Variants in ELOVL6 observed in about 807,000 individuals in gnomAD.
ELOVL6 encodes ELOVL fatty acid elongase 6.
A neutral mutation model predicts 31.7 loss-of-function variants in ELOVL6; 8 were observed. That is an observed-to-expected ratio of 0.25 (90% CI 0.15 to 0.45). The LOEUF is 0.45. ELOVL6 is among the 20% of genes least tolerant of loss of function. The pLI is 1.00. For synonymous variants in ELOVL6, 101 were observed against 117.7 expected (o/e 0.86, Z 0.92); for missense variants, 126 against 326.4 (o/e 0.39, Z 4.73).
At chr4:110,081,123 C>T (rs998176228) in intron 2 of ELOVL6, among the ~76,000 whole-genome samples, 1 of 152,132 alleles carries the variant, frequency 6.6e-6, no homozygotes, top group Non-Finnish European at 1.5e-5. Context: ...ACATTCCATG[C>T]TCATGGGTAG....
At chr4:110,190,370 C>G (rs1461842839) in intron 1 of ELOVL6, among the ~76,000 whole-genome samples, 1 of 152,158 alleles carries the variant, frequency 6.6e-6, no homozygotes, top group Non-Finnish European at 1.5e-5. Flanking sequence ...CGCAAACACT[C>G]AATGCAGAAA....
At chr4:110,099,001 T>C (rs1756669009) in intron 2 of ELOVL6, among the ~76,000 whole-genome samples, 1 of 152,202 alleles carries the variant, frequency 6.6e-6, no homozygotes, top group Non-Finnish European at 1.5e-5. Flanking sequence ...ATTTCATTGT[T>C]CTAAAATTTG....
chr4:110,165,882 G>A (rs538776336), intron 1 of ELOVL6, among the ~76,000 whole-genome samples: 17 of 152,308 alleles, frequency 1.1e-4, no homozygotes, highest in Non-Finnish European at 2.4e-4. Flanking sequence ...TGCCAGAAGA[G>A]TTTAGCACAT....
chr4:110,187,592 A>T (rs1759488494), intron 1 of ELOVL6, among the ~76,000 whole-genome samples: 1 of 151,744 alleles, frequency 6.6e-6, no homozygotes, highest in Admixed American at 6.6e-5. Context: ...ACTAATAGGG[A>T]GGCTGAGGCA....
intron 3 of ELOVL6, among the ~76,000 whole-genome samples, chr4:110,056,361 T>TG (rs1262819995): frequency 7.9e-5 from 12 of 151,884 alleles, no homozygotes; most frequent in Non-Finnish European, 2.9e-5. Flanking sequence ...CCAAAATGCA[T>TG]GGGAAAAAAA....
At chr4:110,084,279 C>CATATATGAT (rs1756096342) in intron 2 of ELOVL6, among the ~76,000 whole-genome samples, 1 of 117,414 alleles carries the variant, frequency 8.5e-6, no homozygotes, top group African/African-American at 3.8e-5. Flanking sequence ...TGATATATAA[C>CATATATGAT]ATATATAACT....
chr4:110,069,510 T>C (rs1312207371), intron 2 of ELOVL6, among the ~76,000 whole-genome samples: 1 of 152,152 alleles, frequency 6.6e-6, no homozygotes, highest in Non-Finnish European at 1.5e-5. Context: ...GATGCTGCCA[T>C]GGTATTTCAC....
chr4:110,115,237 C>T (rs1353137469), intron 1 of ELOVL6, among the ~76,000 whole-genome samples: 1 of 152,110 alleles, frequency 6.6e-6, no homozygotes, highest in Non-Finnish European at 1.5e-5. Flanking sequence ...GAAAATATCT[C>T]AGCAGTGACG....
intron 1 of ELOVL6, among the ~76,000 whole-genome samples, chr4:110,109,158 T>C (rs1756962520): frequency 6.6e-6 from 1 of 152,234 alleles, no homozygotes; most frequent in Non-Finnish European, 1.5e-5. Context: ...TCTGTGGTAA[T>C]ACTTTGTATA....
At chr4:110,083,640 T>A (rs1362708071) in intron 2 of ELOVL6, among the ~76,000 whole-genome samples, 1 of 151,698 alleles carries the variant, frequency 6.6e-6, no homozygotes, top group African/African-American at 2.4e-5. Flanking sequence ...TTTTTAATAA[T>A]ACAGGCTGCT....
chr4:110,157,322 T>C (rs1451974277), intron 1 of ELOVL6, among the ~76,000 whole-genome samples: 1 of 152,138 alleles, frequency 6.6e-6, no homozygotes, highest in African/African-American at 2.4e-5. Context: ...AAATGCCAAA[T>C]AATAGTACAC....
At chr4:110,190,298 T>A (rs1578291835) in intron 1 of ELOVL6, among the ~76,000 whole-genome samples, 1 of 152,252 alleles carries the variant, frequency 6.6e-6, no homozygotes, top group East Asian at 1.9e-4. Flanking sequence ...CTCAGTAAGT[T>A]CACAGTGGGC....
intron 1 of ELOVL6, among the ~76,000 whole-genome samples, chr4:110,152,932 G>A (rs72900544): frequency 0.058 from 8,842 of 152,166 alleles, 325 homozygotes; most frequent in East Asian, 0.14. Context: ...ACAATCCTTC[G>A]TCTCTCAAAA....
intron 2 of ELOVL6, among the ~76,000 whole-genome samples, chr4:110,092,812 C>T (rs1475085980): frequency 2.0e-5 from 3 of 152,100 alleles, no homozygotes; most frequent in Non-Finnish European, 4.4e-5. Flanking sequence ...TACACACACA[C>T]ACACACACGT....
chr4:110,077,958 C>G (rs965881142), intron 2 of ELOVL6, among the ~76,000 whole-genome samples: 14 of 152,010 alleles, frequency 9.2e-5, no homozygotes, highest in African/African-American at 3.4e-4. Context: ...GCCTCAGTAG[C>G]CAATTTGATC....
chr4:110,182,752 T>C (rs1254120318), intron 1 of ELOVL6, among the ~76,000 whole-genome samples: 1 of 151,946 alleles, frequency 6.6e-6, no homozygotes, highest in Non-Finnish European at 1.5e-5. Context: ...CTACTAAAAA[T>C]ACAAAATTAG....
chr4:110,081,383 A>T (rs186420837), intron 2 of ELOVL6, among the ~76,000 whole-genome samples: 54 of 152,362 alleles, frequency 3.5e-4, no homozygotes, highest in African/African-American at 1.3e-3. Context: ...TGGTACTGGT[A>T]CCAAAACAGA....
chr4:110,105,237 C>T (rs1756852684), intron 2 of ELOVL6, among the ~76,000 whole-genome samples: 1 of 152,066 alleles, frequency 6.6e-6, no homozygotes, highest in South Asian at 2.1e-4. Context: ...GCTTCTCATC[C>T]TAACAGATCA....
At chr4:110,068,963 C>T (rs1045296713) in intron 2 of ELOVL6, among the ~76,000 whole-genome samples, 1 of 151,860 alleles carries the variant, frequency 6.6e-6, no homozygotes, top group East Asian at 1.9e-4. Flanking sequence ...GCTAACATGG[C>T]GAAACCTGTC....
Sources: gnomAD v4.1 joint callset for allele counts (sites outside exome capture counted in the v4.1 genomes callset) on GRCh38, gnomAD v4.1.1 for gene constraint, MANE v1.5 for transcripts, NCBI Gene and HGNC (gene_info 2026-07-23, HGNC 2026-07-21) for gene names.